The following TNIK variants were observed in gnomAD, a reference collection of about 807,000 sequenced individuals.
The protein encoded by TNIK is TRAF2 and NCK-interacting protein kinase.
In TNIK, 49 loss-of-function variants were observed where a neutral mutation model predicts 191.3. The ratio of observed to expected loss-of-function variants is 0.26; its 90% CI spans 0.20 to 0.32. The LOEUF is 0.32. Ranked by LOEUF, TNIK falls within the 10% of genes least tolerant of loss-of-function variation. The probability of loss-of-function intolerance (pLI) is 1.00; values close to 1 mark genes in which losing one functional copy is unlikely to be tolerated. For synonymous variants in TNIK, 594 were observed against 600.9 expected, an observed-to-expected ratio of 0.99 and a Z score of 0.17; for missense variants, 1,155 against 1,702.3, an observed-to-expected ratio of 0.68 and a Z score of 5.66.
chr3:171,222,371 C>T (rs767398953), intron 3 of TNIK, among the ~76,000 whole-genome samples: 31 of 152,152 alleles, frequency 2.0e-4, no homozygotes, highest in Non-Finnish European at 3.8e-4. Flanking sequence ...TCCTAATGGA[C>T]GTTGTTTTAA....
At chr3:171,076,543 G>A (rs566901555) in intron 28 of TNIK, among the ~76,000 whole-genome samples, 3 of 152,118 alleles carry the variant, frequency 2.0e-5, no homozygotes, top group Admixed American at 6.5e-5. Flanking sequence ...AAGTTCCTCC[G>A]CCGCTCCTTT....
chr3:171,451,333 A>G (rs1728151782), intron 1 of TNIK, among the ~76,000 whole-genome samples: 2 of 152,254 alleles, frequency 1.3e-5, no homozygotes, highest in South Asian at 4.1e-4. Flanking sequence ...CCAGCACCAC[A>G]TAAGTAAATC....
chr3:171,325,803 T>A (rs535838944), intron 2 of TNIK, among the ~76,000 whole-genome samples: 1 of 152,356 alleles, frequency 6.6e-6, no homozygotes, highest in East Asian at 1.9e-4. Context: ...CATTAATTGA[T>A]GTTTGCACAA....
At chr3:171,302,254 T>C (rs1752965918) in intron 2 of TNIK, among the ~76,000 whole-genome samples, 1 of 152,164 alleles carries the variant, frequency 6.6e-6, no homozygotes, top group Non-Finnish European at 1.5e-5. Context: ...TCAGGCCTCA[T>C]CTTAATGACA....
intron 2 of TNIK, among the ~76,000 whole-genome samples, chr3:171,238,122 C>G (rs1297648243): frequency 6.6e-6 from 1 of 152,148 alleles, no homozygotes; most frequent in African/African-American, 2.4e-5. Flanking sequence ...GAGCAAAGAC[C>G]TGCATATTGT....
chr3:171,259,709 G>GA (rs944082997), intron 2 of TNIK, among the ~76,000 whole-genome samples: 1 of 152,290 alleles, frequency 6.6e-6, no homozygotes, highest in Non-Finnish European at 1.5e-5. Flanking sequence ...ATCCACAACT[G>GA]AAAAGCACAA....
chr3:171,305,837 C>G (rs532578451), intron 2 of TNIK, among the ~76,000 whole-genome samples: 2 of 152,258 alleles, frequency 1.3e-5, no homozygotes, highest in South Asian at 4.1e-4. Flanking sequence ...ACAGAACTAC[C>G]ATTTCGACCC....
chr3:171,318,369 C>T (rs1189169872), intron 2 of TNIK, among the ~76,000 whole-genome samples: 3 of 152,098 alleles, frequency 2.0e-5, no homozygotes, highest in Middle Eastern at 3.2e-3. Flanking sequence ...AATCATTTTC[C>T]AAAACATATT....
chr3:171,278,663 A>C (rs1750068071), intron 2 of TNIK, among the ~76,000 whole-genome samples: 1 of 152,194 alleles, frequency 6.6e-6, no homozygotes, highest in African/African-American at 2.4e-5. Context: ...ACCATTAAAA[A>C]ACAGGAGTAT....
At chr3:171,259,987 T>C (rs562038152) in intron 2 of TNIK, among the ~76,000 whole-genome samples, 1 of 152,322 alleles carries the variant, frequency 6.6e-6, no homozygotes, top group African/African-American at 2.4e-5. Flanking sequence ...TAGGCCCATC[T>C]ATGCACTTCC....
chr3:171,317,488 A>C (rs1754762692), intron 2 of TNIK, among the ~76,000 whole-genome samples: 1 of 152,158 alleles, frequency 6.6e-6, no homozygotes. Context: ...TAATAATGCA[A>C]CTATTCTTAG....
At chr3:171,240,311 A>G (rs1744800898) in intron 2 of TNIK, among the ~76,000 whole-genome samples, 2 of 152,214 alleles carry the variant, frequency 1.3e-5, no homozygotes, top group South Asian at 4.1e-4. Flanking sequence ...CAGGCCCTAT[A>G]GAGGACGTGG....
chr3:171,161,526 C>T (rs546324308), intron 10 of TNIK, among the ~76,000 whole-genome samples, 190 bp from the exon 11 acceptor site: 174 of 152,160 alleles, frequency 1.1e-3, no homozygotes, highest in Non-Finnish European at 2.0e-3. Flanking sequence ...AAGGCTGTCT[C>T]GGCTGACTCT....
chr3:171,252,861 T>A (rs1180866564), intron 2 of TNIK, among the ~76,000 whole-genome samples: 2 of 152,142 alleles, frequency 1.3e-5, no homozygotes, highest in Non-Finnish European at 2.9e-5. Context: ...GATTTCACCA[T>A]GTAAGACAGG....
chr3:171,101,305 C>T (rs959883281), intron 22 of TNIK, 144 bp downstream of exon 22: 1 of 850,128 alleles, frequency 1.2e-6, no homozygotes. Context: ...TAGAACTATG[C>T]TCCAACAAAA....
At position 171,173,881 on chromosome 3, in the gene TNIK, C is replaced by T. The variant is rs1380791452; in HGVS notation, c.773+1371G>A. ...CTGTCACTTCCAGGGAAGAGAACTG[C>T]GCCAGTCCCTCTCCCCGGGAGTCTG... On this transcript the variant is annotated intron_variant, in intron 9 of 32. Coordinates refer to ENST00000436636, the MANE Select transcript of TNIK (RefSeq NM_015028.4). Among the ~76,000 whole-genome samples, 6 of 152,038 alleles carry T rather than the reference C, an allele frequency of 3.9e-5. No homozygotes were observed. The East Asian group carries it at 5.8e-4, about 15-fold the overall frequency.
intron 2 of TNIK, among the ~76,000 whole-genome samples, chr3:171,351,306 T>TAGA (rs34799533): frequency 0.61 from 91,995 of 150,434 alleles, 28,991 homozygotes; most frequent in East Asian, 0.97. Context: ...CATGCAGATA[T>TAGA]AGGAGGTGTG....
intron 28 of TNIK, among the ~76,000 whole-genome samples, chr3:171,078,057 CTG>C (rs1322287804): frequency 2.6e-5 from 4 of 152,102 alleles, no homozygotes; most frequent in Non-Finnish European, 5.9e-5. Context: ...TGTATGTAAA[CTG>C]TTTGTTATTT....
intron 3 of TNIK, among the ~76,000 whole-genome samples, chr3:171,216,747 G>C (rs889344953): frequency 4.0e-4 from 61 of 152,040 alleles, no homozygotes; most frequent in African/African-American, 1.4e-3. Context: ...ATGCAGCTTT[G>C]GGTCTGTTTC....
Sources: allele counts gnomAD v4.1 joint callset (sites outside exome capture counted in the v4.1 genomes callset), GRCh38; gene constraint gnomAD v4.1.1; transcripts MANE v1.5; gene names NCBI Gene and HGNC (gene_info 2026-07-23, HGNC 2026-07-21).